ABTB3: variants seen among roughly 807,000 people sequenced by gnomAD.
The protein encoded by ABTB3 is ankyrin repeat- and BTB/POZ domain-containing protein 3.
the ABTB3 span, among the ~76,000 whole-genome samples, chr12:107,627,345 C>G: frequency 6.6e-6 from 1 of 152,108 alleles, no homozygotes; most frequent in Non-Finnish European, 1.5e-5. Flanking sequence ...AGCCTGGACA[C>G]GGATCTAATG....
At chr12:107,510,900 C>T in the ABTB3 span, among the ~76,000 whole-genome samples, 22 of 151,752 alleles carry the variant, frequency 1.4e-4, no homozygotes, top group African/African-American at 4.8e-4. Flanking sequence ...CCAGCCTGGA[C>T]AATAGAGCCA....
chr12:107,444,955 C>T, the ABTB3 span, among the ~76,000 whole-genome samples: 3,510 of 152,230 alleles, frequency 0.023, 140 homozygotes, highest in African/African-American at 0.081. Flanking sequence ...TGATATGCGG[C>T]GGGGCCAGTC....
At chr12:107,469,952 C>CT in the ABTB3 span, among the ~76,000 whole-genome samples, 32 of 60,436 alleles carry the variant, frequency 5.3e-4, no homozygotes, top group Admixed American at 6.8e-4. Context: ...CTCTTTCTTT[C>CT]TTTCTTTCTT....
At chr12:107,617,621 C>T in the ABTB3 span, 10 of 649,390 alleles carry the variant, frequency 1.5e-5, no homozygotes, top group Non-Finnish European at 2.6e-5. Flanking sequence ...CCATGCAGTG[C>T]ACATCCACTC....
At chr12:107,468,515 A>T in the ABTB3 span, among the ~76,000 whole-genome samples, 1 of 152,148 alleles carries the variant, frequency 6.6e-6, no homozygotes, top group African/African-American at 2.4e-5. Flanking sequence ...GGTGACCTTG[A>T]AAACAAACAA....
At chr12:107,346,888 G>C in the ABTB3 span, among the ~76,000 whole-genome samples, 22 of 152,266 alleles carry the variant, frequency 1.4e-4, no homozygotes, top group African/African-American at 5.1e-4. Flanking sequence ...TCTCCATTCT[G>C]GTCCTGCAGG....
At chr12:107,337,713 G>T in the ABTB3 span, among the ~76,000 whole-genome samples, 6 of 152,184 alleles carry the variant, frequency 3.9e-5, no homozygotes, top group Non-Finnish European at 7.4e-5. Flanking sequence ...TACGGTAAGG[G>T]CACAGTGTGA....
At chr12:107,482,097 G>A in the ABTB3 span, among the ~76,000 whole-genome samples, 4 of 152,058 alleles carry the variant, frequency 2.6e-5, no homozygotes, top group Non-Finnish European at 5.9e-5. Flanking sequence ...GGAGAGGGGT[G>A]GTCCTCCAGA....
chr12:107,469,878 C>CTT, the ABTB3 span, among the ~76,000 whole-genome samples: 426 of 95,734 alleles, frequency 4.4e-3, 13 homozygotes, highest in African/African-American at 0.021. Flanking sequence ...TTCTTTCTTT[C>CTT]TTTCTTTCTT....
At chr12:107,527,226 C>G in the ABTB3 span, among the ~76,000 whole-genome samples, 1 of 152,014 alleles carries the variant, frequency 6.6e-6, no homozygotes, top group South Asian at 2.1e-4. Flanking sequence ...TTCTGTCTCC[C>G]CCACCAAGAC....
the ABTB3 span, chr12:107,641,941 A>C: frequency 8.0e-6 from 6 of 747,042 alleles, no homozygotes. Flanking sequence ...GGAGGGTTTA[A>C]ATTAAGAAAT....
the ABTB3 span, among the ~76,000 whole-genome samples, chr12:107,563,846 C>T: frequency 3.3e-5 from 5 of 152,202 alleles, no homozygotes; most frequent in East Asian, 1.9e-4. Context: ...GACCACAGCA[C>T]GTTGGTGCTA....
the ABTB3 span, chr12:107,580,847 T>C: frequency 1.3e-6 from 2 of 1,543,848 alleles, no homozygotes; most frequent in Non-Finnish European, 1.7e-6. Flanking sequence ...CCGAGAGGGA[T>C]AATATTCCCA....
chr12:107,581,971 T>TC, the ABTB3 span, among the ~76,000 whole-genome samples: 4 of 152,082 alleles, frequency 2.6e-5, no homozygotes, highest in African/African-American at 9.7e-5. Flanking sequence ...CTTTCCCGAC[T>TC]CCCCCCACTC....
At chr12:107,456,614 A>T in the ABTB3 span, among the ~76,000 whole-genome samples, 1 of 152,070 alleles carries the variant, frequency 6.6e-6, no homozygotes, top group African/African-American at 2.4e-5. Context: ...TTATAATGTA[A>T]TAATAATAGA....
the ABTB3 span, among the ~76,000 whole-genome samples, chr12:107,356,122 A>G: frequency 1.3e-5 from 2 of 152,152 alleles, no homozygotes; most frequent in South Asian, 4.1e-4. Context: ...ACCACCTAAG[A>G]CCAGCTTTGC....
the ABTB3 span, among the ~76,000 whole-genome samples, chr12:107,622,696 A>G: frequency 6.6e-6 from 1 of 151,898 alleles, no homozygotes; most frequent in Non-Finnish European, 1.5e-5. Context: ...GTGATCTCGA[A>G]CTCCTGACCT....
chr12:107,474,141 A>G, the ABTB3 span, among the ~76,000 whole-genome samples: 1 of 152,184 alleles, frequency 6.6e-6, no homozygotes, highest in African/African-American at 2.4e-5. Flanking sequence ...ATCCTAGGGC[A>G]TGTTTTTGGT....
the ABTB3 span, among the ~76,000 whole-genome samples, chr12:107,625,737 G>C: frequency 3.3e-5 from 5 of 151,930 alleles, no homozygotes; most frequent in Non-Finnish European, 7.4e-5. Context: ...GGTGAGAAGG[G>C]GGTCTCCACT....
Sources: gnomAD v4.1 joint callset for allele counts (sites outside exome capture counted in the v4.1 genomes callset) on GRCh38, gnomAD v4.1.1 for gene constraint, MANE v1.5 for transcripts, NCBI Gene and HGNC (gene_info 2026-07-23, HGNC 2026-07-21) for gene names.